MAP1A: variants seen among roughly 807,000 people sequenced by gnomAD.
MAP1A encodes microtubule-associated protein 1A.
Under a neutral mutation model 185.9 loss-of-function variants are expected in MAP1A, and 42 were observed. That is an observed-to-expected ratio of 0.23 (90% CI 0.18 to 0.29). MAP1A has a LOEUF of 0.29. Among genes scored for constraint, MAP1A ranks in the 10% least tolerant of loss-of-function variants. The pLI is 1.00. For missense variants in MAP1A, 2,995 were observed against 3,450.4 expected (o/e 0.87, Z 3.31); for synonymous variants, 1,229 against 1,335.9 (o/e 0.92, Z 1.74).
Position 43,530,533 on chromosome 15 carries a change from TG to T in MAP1A, c.*312del. ...GCTGGTATTGAATGGGGACTGAGGA[TG>T]GGTCTCAGAGAGCAACCTCCTCCCT... is the stretch of plus-strand genomic sequence containing the variant. On this transcript the variant is annotated 3_prime_UTR_variant, in exon 6 of 6. Coordinates refer to ENST00000300231, the MANE Select transcript of MAP1A (RefSeq NM_002373.6). 2 of 319,770 alleles carry T rather than the reference TG, an allele frequency of 6.3e-6. No individual in the cohort carries two copies. Among genetic ancestry groups the T allele is most frequent in the Non-Finnish European group, 1.2e-5 (2 of 172,436 alleles). The allele number at this position is 319,770 out of a possible 1,614,324, so 19.8% of individuals were successfully genotyped here.
In MAP1A at chr15:43,521,754, A is replaced by C. The variant is rs1302925314; in HGVS notation, c.281A>C (p.Asn94Thr). Reference protein sequence around the residue: ...SVLLTHIGADNLPGINGLLQR... With the variant: ...SVLLTHIGADTLPGINGLLQR... ...CTACTCACACACATTGGGGCAGACAACCTGCCAGGCATCAATGGACTACTG... is the reference window on the plus strand; with the variant it reads ...CTACTCACACACATTGGGGCAGACACCCTGCCAGGCATCAATGGACTACTG... Residue 94 changes from asparagine (N) to threonine (T), a missense_variant, in exon 4 of 6, where the codon AAC becomes ACC. Asn to Thr is a moderately conservative substitution (Grantham distance 65, BLOSUM62 0). Around this residue, in one of 3 missense-constraint regions of MAP1A, gnomAD observed 264 missense variants for 435.3 expected, o/e 0.61. Transcript: ENST00000300231. The surrounding 1 kb of genome is among the most constrained non-coding windows in gnomAD (Gnocchi z 4.6). 6.2e-6 allele frequency: 10 copies of C among 1,614,200 alleles called. No individual in the cohort carries two copies. Among genetic ancestry groups the C allele is most frequent in the Non-Finnish European group, 8.5e-6 (10 of 1,180,042 alleles).
rs1266186468 is a variant in MAP1A at position 43,523,894 on chromosome 15, T to G, written c.2421T>G (p.Thr807=). 1 of 1,614,198 alleles carries G rather than the reference T, an allele frequency of 6.2e-7. No homozygotes were observed. Among genetic ancestry groups the G allele is most frequent in the East Asian group, 2.2e-5 (1 of 44,878 alleles). ...TSGKVYGTPE[T]ELTYPTNIVA... is the part of the protein sequence containing the mutation. ...GCAAAGTCTATGGAACGCCAGAGAC[T>G]GAACTCACCTACCCCACTAACATAG... The change falls in exon 4 of 6, where the codon ACT becomes ACG. Residue 807 remains threonine, a synonymous_variant. Coordinates refer to ENST00000300231, the MANE Select transcript of MAP1A (RefSeq NM_002373.6).
upstream of MAP1A, among the ~76,000 whole-genome samples, chr15:43,513,827 C>A (rs189342430): frequency 6.6e-6 from 1 of 152,250 alleles, no homozygotes; most frequent in Admixed American, 6.5e-5. Context: ...CTTAGTACTC[C>A]TAGGAGCTTT....
rs1291754916 is a variant in MAP1A, at chr15:43,529,493, C to T, written c.8020C>T (p.Leu2674Phe). 3 of 1,607,126 alleles carry T rather than the reference C, an allele frequency of 1.9e-6. No homozygotes were observed. Among genetic ancestry groups the T allele is most frequent in the Middle Eastern group, 3.3e-4 (2 of 6,044 alleles). Residue 2674 changes from leucine to phenylalanine, a missense_variant, in exon 4 of 6, where the codon CTC (leucine) becomes TTC (phenylalanine). Transcript: ENST00000300231. This position sits in a 1 kb window ranked among gnomAD's most constrained non-coding sequence, Gnocchi z 4.3. ...SPMSKGLVNG[L>F]KAGPMALSSK... ...CATGTCCAAAGGCCTAGTCAATGGA[C>T]TCAAGGCAGGACCAAGTAAGTATAT...
chr15:43,529,183 A>AACCC lies in MAP1A; in HGVS notation c.7710_7711insACCC (p.Ser2571ThrfsTer7). ...CTCTCCCACAGCCAGACCCCCGCCCATCCCCTCCCCGCCCTGATGTGTGCA... is the reference window on the plus strand; with the variant it reads ...CTCTCCCACAGCCAGACCCCCGCCCAACCCTCCCCTCCCCGCCCTGATGTGTGCA... On this transcript the variant is annotated frameshift_variant, in exon 4 of 6. Coordinates refer to ENST00000300231, the MANE Select transcript of MAP1A (RefSeq NM_002373.6). LOFTEE classifies it high-confidence loss of function. The surrounding 1 kb of genome is among the most constrained non-coding windows in gnomAD (Gnocchi z 4.3). The AACCC allele has an allele frequency of 1.2e-6, 1 of 869,310 alleles. No individual in the cohort carries two copies. Among genetic ancestry groups the AACCC allele is most frequent in the Non-Finnish European group, 1.8e-6 (1 of 564,808 alleles). The allele number at this position is 869,310 out of a possible 1,614,324, so 53.8% of individuals were successfully genotyped here.
chr15:43,525,656 C>T lies in MAP1A; in HGVS notation c.4183C>T (p.His1395Tyr). Residue 1395 changes from histidine (H) to tyrosine (Y), a missense_variant, in exon 4 of 6, where the codon CAT (histidine) becomes TAT (tyrosine). Around this residue, in one of 3 missense-constraint regions of MAP1A, gnomAD observed 2,728 missense variants for 2,986.0 expected, o/e 0.91. Coordinates refer to ENST00000300231, the MANE Select transcript of MAP1A (RefSeq NM_002373.6). ...CATCTATCAGAAAGATGAGGCTCTG[C>T]ATGTAAAGAATGAGGCTGTGAAACA... ...TAIYQKDEALHVKNEAVKQQD... is the reference protein window; with the variant it reads ...TAIYQKDEALYVKNEAVKQQD... 6.2e-7 allele frequency: 1 copy of T among 1,613,994 alleles called. No individual in the cohort carries two copies.
intron 1 of MAP1A, among the ~76,000 whole-genome samples, chr15:43,511,682 G>A (rs2079279478): frequency 6.6e-6 from 1 of 152,204 alleles, no homozygotes; most frequent in Non-Finnish European, 1.5e-5. Flanking sequence ...TGACCTTCGT[G>A]GCTACCAGCT....
At chr15:43,514,790 A>G (rs559805), upstream of MAP1A, among the ~76,000 whole-genome samples, 5,495 of 152,290 alleles carry the variant, frequency 0.036, 316 homozygotes, top group African/African-American at 0.12. Flanking sequence ...TCTTCCGAGC[A>G]TTCTAATACA....
chr15:43,525,434 A>G lies in MAP1A; in HGVS notation c.3961A>G (p.Ser1321Gly), dbSNP rs1233516765. The G allele has an allele frequency of 2.5e-6, 4 of 1,614,056 alleles. No individual in the cohort carries two copies. Among genetic ancestry groups the G allele is most frequent in the African/African-American group, 1.3e-5 (1 of 74,930 alleles). Residue 1321 changes from serine to glycine, a missense_variant, in exon 4 of 6, where the codon AGC becomes GGC. Coordinates refer to ENST00000300231, the MANE Select transcript of MAP1A (RefSeq NM_002373.6). ...SPDEHILTPD[S>G]SFSKSPESLP... ...TGATGAACACATTCTGACACCTGAT[A>G]GCTCCTTCTCCAAGAGTCCTGAGTC...
At chr15:43,514,343 C>T (rs978362090), upstream of MAP1A, among the ~76,000 whole-genome samples, 1 of 152,228 alleles carries the variant, frequency 6.6e-6, no homozygotes, top group Admixed American at 6.5e-5. Context: ...CTGCTGGCTC[C>T]TCTTTCAGCT....
Position 43,529,743 on chromosome 15 carries a change from A to C in MAP1A, c.8129A>C (p.Asp2710Ala). 6.2e-7 allele frequency: 1 copy of C among 1,614,040 alleles called. No homozygotes were observed. ...NHCSGKTADL[D>A]FFRRVRASYY... Reference sequence around the variant, plus strand: ...TGCAGTGGCAAGACTGCTGACCTTGACTTCTTCCGTCGAGTGCGTGCATCC... The same window carrying C: ...TGCAGTGGCAAGACTGCTGACCTTGCCTTCTTCCGTCGAGTGCGTGCATCC... The change falls in exon 5 of 6, where the codon GAC becomes GCC. Residue 2710 changes from aspartate (D) to alanine (A), a missense_variant. By Grantham distance (126) the Asp-to-Ala change is moderately radical. Around this residue, in one of 3 missense-constraint regions of MAP1A, gnomAD observed 2,728 missense variants for 2,986.0 expected, o/e 0.91. Coordinates refer to ENST00000300231, the MANE Select transcript of MAP1A (RefSeq NM_002373.6). The surrounding 1 kb of genome is among the most constrained non-coding windows in gnomAD (Gnocchi z 4.3).
At chr15:43,511,824 C>G (rs1323640678) in intron 1 of MAP1A, among the ~76,000 whole-genome samples, 1 of 152,176 alleles carries the variant, frequency 6.6e-6, no homozygotes, top group African/African-American at 2.4e-5. Flanking sequence ...AACCTAGAAT[C>G]CTACTTAGCT....
chr15:43,528,580 C>T lies in MAP1A; in HGVS notation c.7107C>T (p.Pro2369=), dbSNP rs1026586503. 6.2e-7 allele frequency: 1 copy of T among 1,613,960 alleles called. No homozygotes were observed. ...GCCCAACTGAAACCAGCCCTAACCC[C>T]CCAGGCCCTGCCCCAGCCAAGGCTG... ...ANGPTETSPN[P]PGPAPAKAEN... The change falls in exon 4 of 6, where the codon CCC becomes CCT. Residue 2369 remains proline, a synonymous_variant. Transcript: ENST00000300231.
At position 43,522,849 on chromosome 15, in the gene MAP1A, T is replaced by C; in HGVS notation, c.1376T>C (p.Ile459Thr). Residue 459 changes from isoleucine (I) to threonine (T), a missense_variant, in exon 4 of 6, where the codon ATT becomes ACT. Transcript: ENST00000300231. This position sits in a 1 kb window ranked among gnomAD's most constrained non-coding sequence, Gnocchi z 5.9. Reference sequence around the variant, plus strand: ...GATACCAAACCTGAGCTCAAGAAGATTTCCAAGCCAGACCTAAAGCCCTTT... The same window carrying C: ...GATACCAAACCTGAGCTCAAGAAGACTTCCAAGCCAGACCTAAAGCCCTTT... ...RKDTKPELKKISKPDLKPFTP... is the reference protein window; with the variant it reads ...RKDTKPELKKTSKPDLKPFTP... The C allele has an allele frequency of 1.2e-6, 2 of 1,603,824 alleles. No individual in the cohort carries two copies. The highest frequency in any genetic ancestry group is 1.7e-6 in the Non-Finnish European group (2 of 1,174,566).
At chr15:43,514,675 C>T (rs1442044187), upstream of MAP1A, among the ~76,000 whole-genome samples, 3 of 152,152 alleles carry the variant, frequency 2.0e-5, no homozygotes, top group African/African-American at 7.2e-5. Context: ...GAGTCAGTGG[C>T]CCAGCTCCTT....
At position 43,529,320 on chromosome 15, in the gene MAP1A, C is replaced by T. The variant is rs2584723; in HGVS notation, c.7847C>T (p.Ala2616Val). ...AGGGCCCCAGGCAAGGCCAAGCCAGCGTCCCCTGCACGGCGTCTGGATCTT... is the reference window on the plus strand; with the variant it reads ...AGGGCCCCAGGCAAGGCCAAGCCAGTGTCCCCTGCACGGCGTCTGGATCTT... ...GRRAPGKAKP[A>V]SPARRLDLRG... The change falls in exon 4 of 6, where the codon GCG (alanine) becomes GTG (valine). Residue 2616 changes from alanine (A) to valine (V), a missense_variant. Ala to Val is a moderately conservative substitution (Grantham distance 64). Transcript: ENST00000300231. This position sits in a 1 kb window ranked among gnomAD's most constrained non-coding sequence, Gnocchi z 4.3. The T allele has an allele frequency of 2.2e-5, 36 of 1,613,966 alleles. 1 individual carries two copies. The highest frequency in any genetic ancestry group is 5.3e-5 in the African/African-American group (4 of 75,042).
upstream of MAP1A, chr15:43,517,534 G>C (rs1170559154): frequency 4.9e-6 from 1 of 203,368 alleles, no homozygotes; most frequent in Non-Finnish European, 8.7e-6. Context: ...CCTCGTCACG[G>C]ACCAGCCCCT....
Position 43,529,536 on chromosome 15 carries a change from A to G in MAP1A, c.8035+28A>G, listed in dbSNP as rs760481757. On this transcript the variant is annotated intron_variant, in intron 4 of 5. Coordinates refer to ENST00000300231, the MANE Select transcript of MAP1A (RefSeq NM_002373.6). This position sits in a 1 kb window ranked among gnomAD's most constrained non-coding sequence, Gnocchi z 4.3. ...AAGTATATCATGAAACTTGGCAGAG[A>G]GTGTGGGTTAGGGCTGGGTGTGGGC... 1.2e-6 allele frequency: 2 copies of G among 1,600,184 alleles called. No homozygotes were observed. The highest frequency in any genetic ancestry group is 1.7e-6 in the Non-Finnish European group (2 of 1,171,122).
In MAP1A at chr15:43,525,293, T is replaced by G; in HGVS notation, c.3820T>G (p.Ser1274Ala). Residue 1274 changes from serine to alanine, a missense_variant, in exon 4 of 6, where the codon TCT becomes GCT. Ser to Ala is a moderately conservative substitution (Grantham distance 99, BLOSUM62 1). Transcript: ENST00000300231. Reference protein sequence around the residue: ...SPPTDGTTRYSAQTDITDDSL... With the variant: ...SPPTDGTTRYAAQTDITDDSL... ...TCCCACAGATGGGACAACTCGATAC[T>G]CTGCACAGACAGACATCACAGATGA... 1 of 1,614,154 alleles carries G rather than the reference T, an allele frequency of 6.2e-7. No individual in the cohort carries two copies. The highest frequency in any genetic ancestry group is 8.5e-7 in the Non-Finnish European group (1 of 1,180,022).
Sources: allele counts gnomAD v4.1 joint callset (sites outside exome capture counted in the v4.1 genomes callset), GRCh38; gene constraint gnomAD v4.1.1; regional missense constraint gnomAD v4.1.1; non-coding constraint Gnocchi (gnomAD v3.1); transcripts MANE v1.5; gene names NCBI Gene and HGNC (gene_info 2026-07-23, HGNC 2026-07-21).